The following NCKAP5 variants were observed in gnomAD, a reference collection of about 807,000 sequenced individuals.
NCKAP5 encodes the protein NCK associated protein 5, also known as nck-associated protein 5.
Under a neutral mutation model 167.0 loss-of-function variants are expected in NCKAP5, and 92 were observed. That is an observed-to-expected ratio of 0.55 (90% CI 0.47 to 0.66). The LOEUF is 0.66. NCKAP5 is among the 30% of genes least tolerant of loss of function. NCKAP5 has a pLI of 0.00. For synonymous variants in NCKAP5, 891 were observed against 877.4 expected, an observed-to-expected ratio of 1.02 and a Z score of -0.27; for missense variants, 2,378 against 2,315.0, an observed-to-expected ratio of 1.03 and a Z score of -0.56.
rs561547684 is a variant in NCKAP5 at position 133,502,758 on chromosome 2, T to A, written c.69+14700A>T. ...TTCAAGAAAAACGCATTTTAAAGAA[T>A]AGTAATAGTTTCAAGATTTTAATAG... On this transcript the variant is annotated intron_variant, in intron 3 of 19. Coordinates refer to ENST00000409261, the MANE Select transcript of NCKAP5 (RefSeq NM_207363.3). Among the ~76,000 whole-genome samples the A allele has an allele frequency of 6.6e-5, 10 of 152,290 alleles. No individual in the cohort carries two copies. In the East Asian group the frequency reaches 1.7e-3, roughly 26 times the overall value.
intron 2 of NCKAP5, among the ~76,000 whole-genome samples, chr2:133,531,821 G>A (rs1685388190): frequency 6.6e-6 from 1 of 152,166 alleles, no homozygotes; most frequent in Admixed American, 6.5e-5. Flanking sequence ...AAGCAACAGA[G>A]ATTCATGTAC....
At chr2:133,222,056 A>C (rs1236474280) in intron 4 of NCKAP5, among the ~76,000 whole-genome samples, 1 of 152,160 alleles carries the variant, frequency 6.6e-6, no homozygotes, top group East Asian at 1.9e-4. Context: ...AACACTTCAC[A>C]TGATATACTT....
intron 4 of NCKAP5, among the ~76,000 whole-genome samples, chr2:133,239,451 C>A (rs2087577096): frequency 6.6e-6 from 1 of 152,110 alleles, no homozygotes; most frequent in Non-Finnish European, 1.5e-5. Context: ...GGAATTCTAG[C>A]AAATCAAGGA....
intron 3 of NCKAP5, among the ~76,000 whole-genome samples, chr2:133,473,442 G>A (rs1306317846): frequency 2.0e-5 from 3 of 152,202 alleles, no homozygotes; most frequent in Admixed American, 1.3e-4. Context: ...AGCTTGCTGG[G>A]TATTATCCCC....
rs189125614 is a variant in NCKAP5 at position 133,030,377 on chromosome 2, G to T, written c.342-36138C>A. Among the ~76,000 whole-genome samples the T allele has an allele frequency of 4.6e-5, 7 of 152,274 alleles. 1 individual carries two copies. Among genetic ancestry groups the T allele is most frequent in the Admixed American group, 4.6e-4 (7 of 15,302 alleles). On this transcript the variant is annotated intron_variant, in intron 6 of 19. Coordinates refer to ENST00000409261, the MANE Select transcript of NCKAP5 (RefSeq NM_207363.3). ...AGGGAGCAGCCCAGCCGCCGTGTTT[G>T]TCTCTATCTGACCACGCCTGCTGGG... is the stretch of plus-strand genomic sequence containing the variant.
chr2:132,900,977 G>GAAAAA (rs58885401), intron 8 of NCKAP5, among the ~76,000 whole-genome samples: 3 of 98,668 alleles, frequency 3.0e-5, no homozygotes, highest in Admixed American at 1.1e-4. Context: ...AAAAAAAAAA[G>GAAAAA]AAAAAAAAAA....
intron 11 of NCKAP5, among the ~76,000 whole-genome samples, chr2:132,804,853 C>A (rs921521055): frequency 5.3e-5 from 8 of 151,972 alleles, no homozygotes; most frequent in Non-Finnish European, 1.2e-4. Context: ...AGCAGGAGAG[C>A]CAGGATTCTG....
the NCKAP5 span, among the ~76,000 whole-genome samples, chr2:133,621,979 T>C: frequency 2.6e-5 from 4 of 152,078 alleles, no homozygotes; most frequent in Non-Finnish European, 5.9e-5. Context: ...GGTGGTTTAA[T>C]ATATGTAAGC....
At chr2:133,645,929 G>GA in the NCKAP5 span, among the ~76,000 whole-genome samples, 2 of 151,578 alleles carry the variant, frequency 1.3e-5, no homozygotes, top group African/African-American at 2.4e-5. Context: ...GCATCAAATG[G>GA]AAAAAAGGAA....
intron 4 of NCKAP5, among the ~76,000 whole-genome samples, chr2:133,251,310 G>A (rs923576533): frequency 1.2e-4 from 18 of 152,288 alleles, no homozygotes; most frequent in African/African-American, 4.1e-4. Context: ...AATCCCCTGA[G>A]CACAGTGAGG....
the NCKAP5 span, among the ~76,000 whole-genome samples, chr2:133,613,157 A>T: frequency 6.6e-6 from 1 of 152,170 alleles, no homozygotes; most frequent in Admixed American, 6.5e-5. Flanking sequence ...ATTGAATGGT[A>T]AAGTCAAAAT....
intron 11 of NCKAP5, among the ~76,000 whole-genome samples, chr2:132,839,291 C>A (rs542944570): frequency 6.6e-6 from 1 of 152,228 alleles, no homozygotes; most frequent in Non-Finnish European, 1.5e-5. Context: ...GTAATATCTA[C>A]TATTTCTTCT....
At chr2:133,280,935 G>T (rs1222476217) in intron 4 of NCKAP5, among the ~76,000 whole-genome samples, 2 of 152,086 alleles carry the variant, frequency 1.3e-5, no homozygotes, top group African/African-American at 4.8e-5. Flanking sequence ...AGAAAATATT[G>T]CCCTCTTACA....
intron 3 of NCKAP5, among the ~76,000 whole-genome samples, chr2:133,464,163 AG>A (rs1280886766): frequency 6.6e-6 from 1 of 152,222 alleles, no homozygotes; most frequent in African/African-American, 2.4e-5. Context: ...AATATCTCAC[AG>A]GTTCAAAAAA....
intron 11 of NCKAP5, among the ~76,000 whole-genome samples, chr2:132,850,752 C>A (rs189936393): frequency 2.4e-3 from 363 of 152,202 alleles, no homozygotes; most frequent in Non-Finnish European, 4.3e-3. Context: ...TGCAAAGATT[C>A]TCAGGCTCCT....
At chr2:132,825,901 T>G (rs1349336269) in intron 11 of NCKAP5, among the ~76,000 whole-genome samples, 1 of 152,198 alleles carries the variant, frequency 6.6e-6, no homozygotes, top group East Asian at 1.9e-4. Context: ...AAGAGAACAT[T>G]AAATGGTGAC....
chr2:133,022,099 T>A (rs1011198589), intron 6 of NCKAP5, among the ~76,000 whole-genome samples: 3 of 152,192 alleles, frequency 2.0e-5, no homozygotes, highest in African/African-American at 7.2e-5. Context: ...GGTAGTTACA[T>A]GAGGAAAGAG....
intron 4 of NCKAP5, among the ~76,000 whole-genome samples, chr2:133,255,807 A>G (rs1273440730): frequency 6.6e-6 from 1 of 152,194 alleles, no homozygotes; most frequent in African/African-American, 2.4e-5. Flanking sequence ...TGTCATCGGA[A>G]GTAAAATCTA....
chr2:133,609,543 C>T, the NCKAP5 span, among the ~76,000 whole-genome samples: 42 of 152,002 alleles, frequency 2.8e-4, no homozygotes, highest in Admixed American at 1.8e-3. Flanking sequence ...TACTCTCACC[C>T]GATGCTCCCC....
Sources: allele counts gnomAD v4.1 joint callset (sites outside exome capture counted in the v4.1 genomes callset), GRCh38; gene constraint gnomAD v4.1.1; transcripts MANE v1.5; gene names NCBI Gene and HGNC (gene_info 2026-07-23, HGNC 2026-07-21).